LRP1B: variants seen among roughly 807,000 people sequenced by gnomAD.
LRP1B encodes the protein LDL receptor related protein 1B.
Under a neutral mutation model 556.6 loss-of-function variants are expected in LRP1B, and 217 were observed. That is an observed-to-expected ratio of 0.39 (90% CI 0.35 to 0.44). The LOEUF (loss-of-function observed/expected upper bound fraction) is 0.44, where lower values mean the gene tolerates loss of function less well. LRP1B is among the 20% of genes least tolerant of loss of function. LRP1B has a pLI of 1.00. For synonymous variants in LRP1B, 2,047 were observed against 1,865.8 expected (o/e 1.10, Z -2.50); for missense variants, 5,053 against 5,620.8 (o/e 0.90, Z 3.23).
chr2:141,865,443 T>C (rs1030451898), intron 1 of LRP1B, among the ~76,000 whole-genome samples: 9 of 149,662 alleles, frequency 6.0e-5, no homozygotes, highest in Non-Finnish European at 8.9e-5. Context: ...ATACAAAAAA[T>C]TAGCCGGGCG....
intron 60 of LRP1B, among the ~76,000 whole-genome samples, chr2:140,473,602 T>C (rs1687853617): frequency 6.6e-6 from 1 of 151,920 alleles, no homozygotes; most frequent in African/African-American, 2.4e-5. Context: ...ATAGATCTAA[T>C]ATTTTTAACA....
At chr2:142,092,045 T>C (rs924109548) in intron 1 of LRP1B, among the ~76,000 whole-genome samples, 2 of 152,188 alleles carry the variant, frequency 1.3e-5, no homozygotes, top group African/African-American at 2.4e-5. Context: ...TCACTGACAA[T>C]GGCAGAGCAA....
At chr2:142,066,496 C>T (rs897350687) in intron 1 of LRP1B, among the ~76,000 whole-genome samples, 3 of 151,478 alleles carry the variant, frequency 2.0e-5, no homozygotes, top group African/African-American at 7.3e-5. Flanking sequence ...CTCTCCCCCT[C>T]TCAAATAACA....
chr2:141,061,540 G>A (rs573707126), intron 8 of LRP1B, among the ~76,000 whole-genome samples: 8 of 151,818 alleles, frequency 5.3e-5, no homozygotes, highest in South Asian at 4.1e-4. Context: ...TTTGACCTCC[G>A]TGACTTTCAC....
intron 4 of LRP1B, among the ~76,000 whole-genome samples, chr2:141,249,122 T>C (rs1441082623): frequency 1.3e-5 from 2 of 152,110 alleles, no homozygotes; most frequent in East Asian, 3.9e-4. Flanking sequence ...TGATAAGCAA[T>C]TGAAAAATGG....
chr2:141,940,680 A>G (rs1700770577), intron 1 of LRP1B, among the ~76,000 whole-genome samples: 1 of 152,208 alleles, frequency 6.6e-6, no homozygotes, highest in Non-Finnish European at 1.5e-5. Flanking sequence ...CTCTAGTGTA[A>G]TAAAATACAA....
At position 141,259,917 on chromosome 2, in the gene LRP1B, A is replaced by G. The variant is rs145560108; in HGVS notation, c.344-5276T>C. The stretch of plus-strand genomic sequence containing the variant: ...CATAATCATTTTTTATCAGTTTATC[A>G]TTTAAGCTGAATCATCCATTTAGTA... On this transcript the variant is annotated intron_variant, in intron 3 of 90. Transcript: ENST00000389484. 4.1e-3 allele frequency among the ~76,000 whole-genome samples: 630 copies of G among 152,292 alleles called. 3 individuals are homozygous for G. The highest frequency in any genetic ancestry group is 0.013 in the African/African-American group (560 of 41,566).
intron 27 of LRP1B, among the ~76,000 whole-genome samples, chr2:140,859,394 T>C (rs1406494533): frequency 2.6e-5 from 4 of 152,266 alleles, no homozygotes; most frequent in South Asian, 2.1e-4. Flanking sequence ...ATAATATTCT[T>C]AAAATATAAC....
chr2:141,767,661 T>C (rs1553461331), intron 2 of LRP1B, among the ~76,000 whole-genome samples: 1 of 152,146 alleles, frequency 6.6e-6, no homozygotes, highest in Non-Finnish European at 1.5e-5. Flanking sequence ...GAATGGTCTG[T>C]TTGGATAACA....
chr2:141,319,310 G>GTTTTTT (rs1426104411), intron 3 of LRP1B, among the ~76,000 whole-genome samples: 15 of 133,984 alleles, frequency 1.1e-4, no homozygotes, highest in African/African-American at 4.0e-4. Context: ...TTTTTTTGTT[G>GTTTTTT]TTTTTTTTTT....
intron 86 of LRP1B, among the ~76,000 whole-genome samples, chr2:140,267,279 C>T (rs959938811): frequency 4.0e-5 from 6 of 151,850 alleles, no homozygotes; most frequent in African/African-American, 1.4e-4. Flanking sequence ...CGTAATTCTT[C>T]CTTGCTTCTT....
Position 141,552,044 on chromosome 2 carries a change from A to G in LRP1B, c.206-71511T>C, listed in dbSNP as rs570057953. Reference sequence around the variant, plus strand: ...GAATAATCACAGTGTGATATTTAATACAAAATCTTTTTTAAATGCAAAGTC... The same window carrying G: ...GAATAATCACAGTGTGATATTTAATGCAAAATCTTTTTTAAATGCAAAGTC... On this transcript the variant is annotated intron_variant, in intron 2 of 90. Transcript: ENST00000389484. Among the ~76,000 whole-genome samples the G allele has an allele frequency of 3.3e-5, 5 of 152,184 alleles. No individual in the cohort carries two copies. The South Asian group carries it at 8.3e-4, about 25-fold the overall frequency.
intron 7 of LRP1B, among the ~76,000 whole-genome samples, chr2:141,062,578 A>G (rs1418743419): frequency 6.6e-6 from 1 of 151,792 alleles, no homozygotes; most frequent in African/African-American, 2.4e-5. Context: ...AAGCACATCA[A>G]CCACATTCAG....
intron 85 of LRP1B, among the ~76,000 whole-genome samples, chr2:140,273,419 A>G (rs1467038922): frequency 6.6e-6 from 1 of 152,010 alleles, no homozygotes; most frequent in Non-Finnish European, 1.5e-5. Context: ...TAAAAAATGT[A>G]CTTTCAAATA....
chr2:141,987,348 G>T (rs1040644468), intron 1 of LRP1B, among the ~76,000 whole-genome samples: 21 of 151,842 alleles, frequency 1.4e-4, no homozygotes, highest in Admixed American at 1.4e-3. Flanking sequence ...TCCTAATGTG[G>T]TGTTACCTTT....
intron 1 of LRP1B, among the ~76,000 whole-genome samples, chr2:142,079,726 T>C (rs997787242): frequency 1.1e-4 from 16 of 152,152 alleles, no homozygotes; most frequent in African/African-American, 3.9e-4. Flanking sequence ...CCCAGGCTGA[T>C]CTCGAAGTCC....
At chr2:141,629,079 C>T (rs1432124981) in intron 2 of LRP1B, among the ~76,000 whole-genome samples, 2 of 152,144 alleles carry the variant, frequency 1.3e-5, no homozygotes, top group East Asian at 3.9e-4. Flanking sequence ...TGAGACAAAG[C>T]CAGATCTCTA....
At chr2:140,916,023 G>T (rs1037218149) in intron 21 of LRP1B, among the ~76,000 whole-genome samples, 14 of 151,908 alleles carry the variant, frequency 9.2e-5, no homozygotes, top group African/African-American at 3.4e-4. Flanking sequence ...GCGAGACTCT[G>T]TCTCAAGAAA....
chr2:140,574,678 A>G (rs1460930018), intron 43 of LRP1B, among the ~76,000 whole-genome samples: 1 of 152,220 alleles, frequency 6.6e-6, no homozygotes, highest in African/African-American at 2.4e-5. Flanking sequence ...TAATTGTTCA[A>G]GGACATGTTC....
Sources: allele counts gnomAD v4.1 joint callset (sites outside exome capture counted in the v4.1 genomes callset), GRCh38; gene constraint gnomAD v4.1.1; transcripts MANE v1.5; gene names NCBI Gene and HGNC (gene_info 2026-07-23, HGNC 2026-07-21).